KIAA0586: variants seen among roughly 807,000 people sequenced by gnomAD.
The protein encoded by KIAA0586 is protein TALPID3.
In KIAA0586, 144 loss-of-function variants were observed where a neutral mutation model predicts 169.8. That is an observed-to-expected ratio of 0.85 (90% CI 0.74 to 0.97). The LOEUF is 0.97. Among genes scored for constraint, KIAA0586 ranks in the 50% least tolerant of loss-of-function variants. The pLI is 0.00. For synonymous variants in KIAA0586, 625 were observed against 612.4 expected (o/e 1.02, Z -0.30); for missense variants, 1,854 against 1,823.0 (o/e 1.02, Z -0.31).
At chr14:58,510,520 C>G (rs2044315412) in intron 28 of KIAA0586, among the ~76,000 whole-genome samples, 1 of 152,190 alleles carries the variant, frequency 6.6e-6, no homozygotes, top group Admixed American at 6.5e-5. Flanking sequence ...ACTGAACTCT[C>G]ATACTTTGTT....
At chr14:58,558,498 G>A in the KIAA0586 span, among the ~76,000 whole-genome samples, 22 of 152,310 alleles carry the variant, frequency 1.4e-4, no homozygotes, top group South Asian at 3.9e-3. Flanking sequence ...GATCTTCATG[G>A]AATACTTAGA....
In KIAA0586 at chr14:58,429,349, C is replaced by G; in HGVS notation, c.200-14C>G. 1 of 1,514,356 alleles carries G rather than the reference C, an allele frequency of 6.6e-7. No individual in the cohort carries two copies. Among genetic ancestry groups the G allele is most frequent in the Non-Finnish European group, 9.2e-7 (1 of 1,089,886 alleles). The allele number at this position is 1,514,356 out of a possible 1,614,324, so 93.8% of individuals were successfully genotyped here. On this transcript the variant is annotated splice_polypyrimidine_tract_variant and intron_variant, in intron 1 of 30. Transcript: ENST00000652326. Reference sequence around the variant, plus strand: ...ATTTTAAAATCACTAAAATCTATTCCTTTGTTTTGTTAGGTTCATCAGACT... The same window carrying G: ...ATTTTAAAATCACTAAAATCTATTCGTTTGTTTTGTTAGGTTCATCAGACT...
chr14:58,555,099 CTTTT>C (rs35845234), downstream of KIAA0586, among the ~76,000 whole-genome samples: 2 of 102,566 alleles, frequency 1.9e-5, no homozygotes, highest in African/African-American at 3.9e-5. Context: ...TTCTTTCTTT[CTTTT>C]TTTTTTTTTT....
the KIAA0586 span, among the ~76,000 whole-genome samples, chr14:58,558,735 A>G: frequency 6.6e-6 from 1 of 152,240 alleles, no homozygotes; most frequent in East Asian, 1.9e-4. Context: ...TAAGAATCAT[A>G]ATTCTATTGA....
At chr14:58,492,119 T>C (rs2042871994) in intron 25 of KIAA0586, 25 bp from the exon 26 acceptor site, 2 of 1,463,708 alleles carry the variant, frequency 1.4e-6, no homozygotes, top group Admixed American at 5.6e-5. Flanking sequence ...TTTATTTTTA[T>C]TAATTGTCTT....
At chr14:58,490,262 C>T (rs759462407) in intron 25 of KIAA0586, 22 bp downstream of exon 25, 112 of 1,335,858 alleles carry the variant, frequency 8.4e-5, no homozygotes, top group Non-Finnish European at 1.1e-4. Context: ...TTGACTCCAA[C>T]ACTGAATTCT....
chr14:58,448,211 A>G (rs1595135911), intron 6 of KIAA0586, 129 bp from the exon 7 acceptor site: 2 of 635,264 alleles, frequency 3.1e-6, no homozygotes, highest in East Asian at 2.8e-5. Flanking sequence ...CTTGCAATGT[A>G]ATACATATTT....
chr14:58,480,145 G>A (rs2041930241), intron 20 of KIAA0586, among the ~76,000 whole-genome samples: 1 of 150,812 alleles, frequency 6.6e-6, no homozygotes, highest in Non-Finnish European at 1.5e-5. Flanking sequence ...TTCCTCTTTG[G>A]TCCTTATAGG....
chr14:58,537,525 G>A (rs541647913), intron 29 of KIAA0586, among the ~76,000 whole-genome samples: 7 of 152,272 alleles, frequency 4.6e-5, no homozygotes, highest in African/African-American at 1.7e-4. Context: ...AATTTGAAAG[G>A]GAGCTCTATT....
chr14:58,427,619 T>C (rs763913574), upstream of KIAA0586: 78 of 1,535,414 alleles, frequency 5.1e-5, no homozygotes, highest in Admixed American at 2.0e-4. Flanking sequence ...GCGCTTAGCT[T>C]TCTGGTTGGA....
At chr14:58,446,455 C>A (rs1424355524) in intron 6 of KIAA0586, among the ~76,000 whole-genome samples, 6 of 151,796 alleles carry the variant, frequency 4.0e-5, no homozygotes, top group Non-Finnish European at 7.4e-5. Flanking sequence ...TGAGATTGGG[C>A]CACTGTACTC....
Position 58,448,510 on chromosome 14 carries a change from C to A in KIAA0586, c.961+17C>A. On this transcript the variant is annotated intron_variant, in intron 7 of 30. Transcript: ENST00000652326. The stretch of plus-strand genomic sequence containing the variant: ...CCAAACAAGGTAAAAATATGTAGTT[C>A]TCTATGAATAAAAAATGTCAGCTGT... 6.5e-7 allele frequency: 1 copy of A among 1,549,752 alleles called. No individual in the cohort carries two copies. The highest frequency in any genetic ancestry group is 1.2e-5 in the South Asian group (1 of 83,996).
At chr14:58,545,369 C>T (rs1027219116) in intron 30 of KIAA0586, among the ~76,000 whole-genome samples, 4 of 152,138 alleles carry the variant, frequency 2.6e-5, no homozygotes, top group Admixed American at 2.6e-4. Flanking sequence ...GCTCTTATTA[C>T]AACATTGAGC....
At chr14:58,490,048 C>T in intron 24 of KIAA0586, 116 bp from the exon 25 acceptor site, 1 of 539,140 alleles carries the variant, frequency 1.9e-6, no homozygotes, top group Admixed American at 4.1e-5. Flanking sequence ...ATAAACTTTG[C>T]CAGTATTTCC....
intron 28 of KIAA0586, among the ~76,000 whole-genome samples, chr14:58,509,830 A>T (rs1595433135): frequency 6.6e-6 from 1 of 152,200 alleles, no homozygotes; most frequent in African/African-American, 2.4e-5. Flanking sequence ...ATAATTTTTT[A>T]AATTGGTCTT....
intron 30 of KIAA0586, chr14:58,544,073 T>C (rs1386003759): frequency 3.1e-6 from 1 of 326,068 alleles, no homozygotes; most frequent in East Asian, 8.8e-5. Flanking sequence ...TTTGTGTTCA[T>C]GAGTTATCAT....
At chr14:58,429,065 G>A (rs2037131366) in intron 1 of KIAA0586, among the ~76,000 whole-genome samples, 1 of 152,042 alleles carries the variant, frequency 6.6e-6, no homozygotes, top group Non-Finnish European at 1.5e-5. Context: ...CCTTTACATC[G>A]TATACATATT....
Position 58,477,159 on chromosome 14 carries a change from G to A in KIAA0586, c.2862G>A (p.Gly954=), listed in dbSNP as rs746874985. The change falls in exon 20 of 31, where the codon GGG becomes GGA. Residue 954 remains glycine (G), a synonymous_variant. Coordinates refer to ENST00000652326, the MANE Select transcript of KIAA0586 (RefSeq NM_001329943.3). The part of the protein sequence containing the change: ...EQEIMSRIIS[G]LFPVQQQIAP... Reference sequence around the variant, plus strand: ...AAATAATGTCAAGAATTATCTCTGGGCTCTTTCCAGTCCAGCAACAGATTG... The same window carrying A: ...AAATAATGTCAAGAATTATCTCTGGACTCTTTCCAGTCCAGCAACAGATTG... 7 of 1,579,152 alleles carry A rather than the reference G, an allele frequency of 4.4e-6. No individual in the cohort carries two copies. The Admixed American group carries it at 9.0e-5, about 20-fold the overall frequency.
Position 58,487,946 on chromosome 14 carries a change from C to G in KIAA0586, c.3364C>G (p.Pro1122Ala), listed in dbSNP as rs1321580184. The G allele has an allele frequency of 6.2e-7, 1 of 1,613,724 alleles. No homozygotes were observed. The highest frequency in any genetic ancestry group is 2.2e-5 in the East Asian group (1 of 44,830). ...NTPTVTPTTTPPPAAAVFTPT... is the reference protein window; with the variant it reads ...NTPTVTPTTTAPPAAAVFTPT... ...TCCAACAGTTACCCCTACTACTACA[C>G]CTCCTCCAGCGGCGGCAGTTTTTAC... The change falls in exon 23 of 31, where the codon CCT becomes GCT. Residue 1122 changes from proline (P) to alanine (A), a missense_variant. Transcript: ENST00000652326.
Sources: allele counts gnomAD v4.1 joint callset (sites outside exome capture counted in the v4.1 genomes callset), GRCh38; gene constraint gnomAD v4.1.1; transcripts MANE v1.5; gene names NCBI Gene and HGNC (gene_info 2026-07-23, HGNC 2026-07-21).